The following SLC5A12 variants were observed in gnomAD, a reference collection of about 807,000 sequenced individuals.
SLC5A12 encodes sodium-coupled monocarboxylate transporter 2.
Under a neutral mutation model 72.7 loss-of-function variants are expected in SLC5A12, and 46 were observed. That is an observed-to-expected ratio of 0.63 (90% CI 0.50 to 0.81). The LOEUF is 0.81. Among genes scored for constraint, SLC5A12 ranks in the 30% least tolerant of loss-of-function variants. The pLI, the probability that SLC5A12 is intolerant of heterozygous loss-of-function variation, is 0.00. For missense variants in SLC5A12, 683 were observed against 740.7 expected (o/e 0.92, Z 0.90); for synonymous variants, 275 against 264.4 (o/e 1.04, Z -0.39).
chr11:26,717,790 T>C (rs1334542160), intron 1 of SLC5A12, among the ~76,000 whole-genome samples: 1 of 152,184 alleles, frequency 6.6e-6, no homozygotes, highest in Non-Finnish European at 1.5e-5. Flanking sequence ...GAGAGAGGTC[T>C]GACATGGCCT....
intron 4 of SLC5A12, among the ~76,000 whole-genome samples, chr11:26,708,775 G>T (rs4923381): frequency 0.17 from 25,970 of 151,886 alleles, 2,711 homozygotes; most frequent in Admixed American, 0.28. Flanking sequence ...TACAACTCAG[G>T]CTCCTTAATT....
intron 6 of SLC5A12, among the ~76,000 whole-genome samples, chr11:26,700,388 A>G (rs1164543803): frequency 4.6e-5 from 7 of 152,138 alleles, no homozygotes; most frequent in Non-Finnish European, 1.0e-4. Flanking sequence ...GAAAGTATTT[A>G]TTGGGCAACT....
In SLC5A12 at chr11:26,669,296, C is replaced by CA. The variant is rs1854085289; in HGVS notation, c.*1805dup. The CA allele has an allele frequency of 6.7e-6, 1 of 149,868 alleles. No individual in the cohort carries two copies. Among genetic ancestry groups the CA allele is most frequent in the East Asian group, 2.0e-4 (1 of 4,992 alleles). 9.3% of individuals were successfully genotyped at this position (149,868 alleles called of 1,614,324 possible). ...AGCTAACTAGTTTTGGCTCAGATTT[C>CA]AATATTCACAAAATATATATTCTAA... On this transcript the variant is annotated 3_prime_UTR_variant, in exon 15 of 15. Coordinates refer to ENST00000396005, the MANE Select transcript of SLC5A12 (RefSeq NM_178498.4).
intron 12 of SLC5A12, among the ~76,000 whole-genome samples, chr11:26,680,355 ATATATG>A (rs1470733648): frequency 4.4e-5 from 6 of 136,082 alleles, no homozygotes; most frequent in African/African-American, 1.4e-4. Context: ...ATATTCATAT[ATATATG>A]TATATATATT....
At chr11:26,691,197 T>C (rs1854663263) in intron 9 of SLC5A12, among the ~76,000 whole-genome samples, 1 of 152,066 alleles carries the variant, frequency 6.6e-6, no homozygotes, top group Non-Finnish European at 1.5e-5. Context: ...ATGCTGTATA[T>C]ATCAAAAGAC....
At chr11:26,712,964 T>C (rs565182804) in intron 1 of SLC5A12, among the ~76,000 whole-genome samples, 8 of 152,260 alleles carry the variant, frequency 5.3e-5, no homozygotes, top group African/African-American at 9.6e-5. Flanking sequence ...TTCAACTCTA[T>C]TGACTTTCTG....
intron 8 of SLC5A12, among the ~76,000 whole-genome samples, chr11:26,696,482 T>G (rs990724921): frequency 6.6e-6 from 1 of 152,220 alleles, no homozygotes; most frequent in African/African-American, 2.4e-5. Flanking sequence ...AAATGCATTG[T>G]TAGGTGATTT....
intron 4 of SLC5A12, among the ~76,000 whole-genome samples, chr11:26,705,909 C>T (rs1855073858): frequency 6.8e-6 from 1 of 147,848 alleles, no homozygotes; most frequent in Non-Finnish European, 1.5e-5. Flanking sequence ...CGAGTCCTCA[C>T]CTCTTTTCTC....
At chr11:26,710,393 TG>T (rs1195895597) in intron 3 of SLC5A12, among the ~76,000 whole-genome samples, 1 of 151,924 alleles carries the variant, frequency 6.6e-6, no homozygotes. Flanking sequence ...AATGGGATGC[TG>T]GGTTCTAGAT....
At chr11:26,713,601 A>G (rs1855282172) in intron 1 of SLC5A12, among the ~76,000 whole-genome samples, 1 of 152,064 alleles carries the variant, frequency 6.6e-6, no homozygotes, top group Non-Finnish European at 1.5e-5. Context: ...CTCATATTTC[A>G]TCCTCTGAGC....
At position 26,721,497 on chromosome 11, in the gene SLC5A12, T is replaced by C; in HGVS notation, c.218A>G (p.Glu73Gly). 4 of 1,613,978 alleles carry C rather than the reference T, an allele frequency of 2.5e-6. No homozygotes were observed. The highest frequency in any genetic ancestry group is 3.4e-6 in the Non-Finnish European group (4 of 1,179,992). ...GAAGGATGCCCCAAAGCGGTAGACTTCAGAAGGGGTCCCCAGGACCGTGAC... is the reference window on the plus strand; with the variant it reads ...GAAGGATGCCCCAAAGCGGTAGACTCCAGAAGGGGTCCCCAGGACCGTGAC... ...SAVTVLGTPS[E>G]VYRFGASFLV... The change falls in exon 1 of 15, where the codon GAA (glutamate) becomes GGA (glycine). Residue 73 changes from glutamate (E) to glycine (G), a missense_variant. Transcript: ENST00000396005.
In SLC5A12 at chr11:26,703,556, A is replaced by C; in HGVS notation, c.796T>G (p.Cys266Gly). 1.2e-6 allele frequency: 2 copies of C among 1,613,842 alleles called. No homozygotes were observed. Among genetic ancestry groups the C allele is most frequent in the East Asian group, 4.5e-5 (2 of 44,870 alleles). ...NQSTIQRCIS[C>G]KTEKHAKLAL... Reference sequence around the variant, plus strand: ...AGCTTAGCATGCTTTTCTGTTTTGCAAGAGATGCATCGCTGAATAGTTGAT... The same window carrying C: ...AGCTTAGCATGCTTTTCTGTTTTGCCAGAGATGCATCGCTGAATAGTTGAT... The change falls in exon 6 of 15, where the codon TGC becomes GGC. Residue 266 changes from cysteine (C) to glycine (G), a missense_variant. By Grantham distance (159) the Cys-to-Gly change is radical. Transcript: ENST00000396005.
At chr11:26,705,396 T>A (rs1362867184) in intron 4 of SLC5A12, among the ~76,000 whole-genome samples, 1 of 152,060 alleles carries the variant, frequency 6.6e-6, no homozygotes, top group Non-Finnish European at 1.5e-5. Context: ...TGAAATGACG[T>A]GGTATTTTTA....
At chr11:26,703,429 C>T in intron 6 of SLC5A12, 102 bp downstream of exon 6, 3 of 1,201,154 alleles carry the variant, frequency 2.5e-6, no homozygotes, top group South Asian at 2.8e-5. Context: ...CATACATACA[C>T]ACACACACAC....
intron 1 of SLC5A12, among the ~76,000 whole-genome samples, chr11:26,718,620 TTGTGTGTGTGTGTGTGTG>T (rs10578471): frequency 6.7e-4 from 100 of 149,714 alleles, no homozygotes; most frequent in African/African-American, 2.4e-3. Context: ...CTGGCTAATT[TTGTGTGTGTGTGTGTGTG>T]TGTGTGTGTG....
rs1855489827 is a variant in SLC5A12 at position 26,721,851 on chromosome 11, G to A, written c.-137C>T. 2.6e-6 allele frequency: 2 copies of A among 759,384 alleles called. No homozygotes were observed. The highest frequency in any genetic ancestry group is 2.4e-5 in the Admixed American group (1 of 41,028). 47.0% of individuals were successfully genotyped at this position (759,384 alleles called of 1,614,324 possible). On this transcript the variant is annotated 5_prime_UTR_variant, in exon 1 of 15. Coordinates refer to ENST00000396005, the MANE Select transcript of SLC5A12 (RefSeq NM_178498.4). ...TCCCTGAAGAAAATGATTACCAGAGGCACTCGTGTGAATCTTCAGACACCA... is the reference window on the plus strand; with the variant it reads ...TCCCTGAAGAAAATGATTACCAGAGACACTCGTGTGAATCTTCAGACACCA...
chr11:26,678,391 GT>G (rs1488697224), intron 13 of SLC5A12, among the ~76,000 whole-genome samples: 2 of 151,650 alleles, frequency 1.3e-5, no homozygotes, highest in East Asian at 3.9e-4. Context: ...GTTTTTTTTG[GT>G]TTTTTGAGAC....
intron 11 of SLC5A12, 72 bp downstream of exon 11, chr11:26,683,685 G>T: frequency 8.1e-7 from 1 of 1,231,058 alleles, no homozygotes; most frequent in Non-Finnish European, 1.2e-6. Flanking sequence ...TCTAAACAGG[G>T]CTGAGAGGAG....
chr11:26,707,710 A>G (rs1422455379), intron 4 of SLC5A12, among the ~76,000 whole-genome samples: 1 of 152,028 alleles, frequency 6.6e-6, no homozygotes, highest in African/African-American at 2.4e-5. Context: ...GTATCTTTTA[A>G]TACCAAAATA....
Sources: gnomAD v4.1 joint callset for allele counts (sites outside exome capture counted in the v4.1 genomes callset) on GRCh38, gnomAD v4.1.1 for gene constraint, MANE v1.5 for transcripts, NCBI Gene and HGNC (gene_info 2026-07-23, HGNC 2026-07-21) for gene names.